TBC1D5: variants seen among roughly 807,000 people sequenced by gnomAD.
The protein encoded by TBC1D5 is TBC1 domain family member 5.
In TBC1D5, 75 loss-of-function variants were observed where a neutral mutation model predicts 100.3. That is an observed-to-expected ratio of 0.75 (90% CI 0.62 to 0.91). TBC1D5 has a LOEUF of 0.91. Ranked by LOEUF, TBC1D5 falls within the 40% of genes least tolerant of loss-of-function variation. The probability of loss-of-function intolerance (pLI) is 0.00; values close to 1 mark genes in which losing one functional copy is unlikely to be tolerated. For missense variants in TBC1D5, 910 were observed against 942.4 expected (o/e 0.97, Z 0.45); for synonymous variants, 323 against 325.6 (o/e 0.99, Z 0.09).
intron 1 of TBC1D5, among the ~76,000 whole-genome samples, chr3:17,677,593 C>A (rs1322157610): frequency 6.6e-6 from 1 of 152,208 alleles, no homozygotes; most frequent in Non-Finnish European, 1.5e-5. Flanking sequence ...TGTGGCAATT[C>A]CTCAAGGACC....
At chr3:17,166,884 C>G in exon 21 of TBC1D5, 2 of 1,614,050 alleles carry the variant, frequency 1.2e-6, no homozygotes, top group Non-Finnish European at 1.7e-6. Context: ...CGGCCTCTAG[C>G]TGGCTCTGGT....
chr3:17,220,631 T>C (rs2074165023), intron 17 of TBC1D5, among the ~76,000 whole-genome samples: 1 of 152,140 alleles, frequency 6.6e-6, no homozygotes, highest in Admixed American at 6.6e-5. Context: ...TTAGGTATTA[T>C]AAATCTAGGT....
intron 15 of TBC1D5, among the ~76,000 whole-genome samples, chr3:17,274,395 G>A (rs1329833676): frequency 6.6e-6 from 1 of 152,170 alleles, no homozygotes; most frequent in Non-Finnish European, 1.5e-5. Context: ...GTTCAAATAA[G>A]AGAGCTCAAA....
chr3:17,497,007 C>A (rs2095715617), intron 3 of TBC1D5, among the ~76,000 whole-genome samples: 1 of 151,916 alleles, frequency 6.6e-6, no homozygotes, highest in South Asian at 2.1e-4. Flanking sequence ...CTATGTATGA[C>A]AAGCCTATTC....
At chr3:17,416,222 C>T (rs1300230004) in intron 4 of TBC1D5, among the ~76,000 whole-genome samples, 1 of 152,156 alleles carries the variant, frequency 6.6e-6, no homozygotes, top group Non-Finnish European at 1.5e-5. Context: ...TAGATGAGCA[C>T]TAAGCAAGTA....
intron 14 of TBC1D5, among the ~76,000 whole-genome samples, chr3:17,303,785 C>A (rs2083103020): frequency 6.6e-6 from 1 of 151,606 alleles, no homozygotes; most frequent in African/African-American, 2.4e-5. Flanking sequence ...CTCCTATCTC[C>A]CTTTAGTCCT....
chr3:17,674,025 G>A lies in TBC1D5; in HGVS notation c.-100-50112C>T, dbSNP rs562850737. On this transcript the variant is annotated intron_variant, in intron 1 of 21. Coordinates refer to ENST00000253692, the Ensembl canonical transcript of TBC1D5. ...CCAATTCCTTGACTCTGACTTCCCT[G>A]GGGGAACCTGTCACTTCATTAGTGA... is the stretch of plus-strand genomic sequence containing the variant. Among the ~76,000 whole-genome samples, 392 of 152,166 alleles carry A rather than the reference G, an allele frequency of 2.6e-3. 1 individual carries two copies. Among genetic ancestry groups the A allele is most frequent in the Non-Finnish European group, 4.5e-3 (303 of 67,996 alleles).
chr3:17,637,219 T>C (rs925139940), intron 1 of TBC1D5, among the ~76,000 whole-genome samples: 1 of 136,132 alleles, frequency 7.3e-6, no homozygotes, highest in Non-Finnish European at 1.5e-5. Context: ...TTTTTTTTTT[T>C]ATTTAGTAGA....
intron 13 of TBC1D5, among the ~76,000 whole-genome samples, chr3:17,366,745 T>C (rs2092157671): frequency 6.6e-6 from 1 of 152,168 alleles, no homozygotes; most frequent in Non-Finnish European, 1.5e-5. Context: ...TGTTTATACT[T>C]CAAATATAGG....
At chr3:17,266,293 T>C (rs563009372) in intron 15 of TBC1D5, among the ~76,000 whole-genome samples, 137 of 152,274 alleles carry the variant, frequency 9.0e-4, no homozygotes, top group Non-Finnish European at 1.6e-3. Context: ...TCCCACATGC[T>C]CTCAAAATTA....
At chr3:17,630,779 T>C (rs1322488516) in intron 1 of TBC1D5, among the ~76,000 whole-genome samples, 1 of 150,752 alleles carries the variant, frequency 6.6e-6, no homozygotes, top group African/African-American at 2.4e-5. Flanking sequence ...CTCATGCCTG[T>C]AATCCCAGCA....
At position 17,206,230 on chromosome 3, in the gene TBC1D5, A is replaced by ACCAT. The variant is rs149404177; in HGVS notation, c.1752+7973_1752+7976dup. 6.4e-3 allele frequency among the ~76,000 whole-genome samples: 971 copies of ACCAT among 152,158 alleles called. 3 individuals are homozygous for ACCAT. The highest frequency in any genetic ancestry group is 0.01 in the Non-Finnish European group (703 of 68,000). ...AGCCCATGGTGGTCTGTCATCTAAC[A>ACCAT]CCATTTTTTTACTGTCTTTACTGTT... On this transcript the variant is annotated intron_variant, in intron 18 of 21. Coordinates refer to ENST00000253692, the Ensembl canonical transcript of TBC1D5.
intron 13 of TBC1D5, among the ~76,000 whole-genome samples, chr3:17,321,098 C>A (rs1239381848): frequency 6.6e-6 from 1 of 152,200 alleles, no homozygotes; most frequent in African/African-American, 2.4e-5. Context: ...GACAAGGTCT[C>A]ACTCTGTTGT....
At chr3:17,437,975 CAATAGT>C (rs1269303198) in intron 3 of TBC1D5, among the ~76,000 whole-genome samples, 1 of 152,100 alleles carries the variant, frequency 6.6e-6, no homozygotes, top group African/African-American at 2.4e-5. Flanking sequence ...CATTTTCCAG[CAATAGT>C]AATAGACTGC....
At chr3:17,424,461 T>A (rs1575840780) in intron 4 of TBC1D5, among the ~76,000 whole-genome samples, 1 of 152,162 alleles carries the variant, frequency 6.6e-6, no homozygotes, top group South Asian at 2.1e-4. Context: ...GTTTTAATGG[T>A]TAAATAAGGA....
At chr3:17,315,202 A>G (rs926674682) in intron 13 of TBC1D5, among the ~76,000 whole-genome samples, 6 of 152,254 alleles carry the variant, frequency 3.9e-5, no homozygotes, top group African/African-American at 1.4e-4. Flanking sequence ...GCCATCAGGC[A>G]CACATTTAAT....
intron 1 of TBC1D5, among the ~76,000 whole-genome samples, chr3:17,709,856 A>T (rs2074543992): frequency 6.6e-6 from 1 of 152,174 alleles, no homozygotes; most frequent in African/African-American, 2.4e-5. Flanking sequence ...TAGAGCTATC[A>T]ACAACATGCA....
chr3:17,221,238 T>C (rs1382675242), intron 17 of TBC1D5, among the ~76,000 whole-genome samples: 1 of 152,070 alleles, frequency 6.6e-6, no homozygotes, highest in Non-Finnish European at 1.5e-5. Flanking sequence ...GAGAGTATCT[T>C]GGGTTATCAT....
intron 13 of TBC1D5, among the ~76,000 whole-genome samples, chr3:17,355,648 AT>A (rs11297314): frequency 0.41 from 61,878 of 151,780 alleles, 13,260 homozygotes; most frequent in Middle Eastern, 0.51. Flanking sequence ...AAAGTAATAA[AT>A]TTTTTTAAAT....
Sources: allele counts gnomAD v4.1 joint callset (sites outside exome capture counted in the v4.1 genomes callset), GRCh38; gene constraint gnomAD v4.1.1; transcripts MANE v1.5; gene names NCBI Gene and HGNC (gene_info 2026-07-23, HGNC 2026-07-21).